The following DRD3 variants were observed in gnomAD, a reference collection of about 807,000 sequenced individuals.
DRD3 encodes D(3) dopamine receptor.
In DRD3, 19 loss-of-function variants were observed where a neutral mutation model predicts 36.3. The ratio of observed to expected loss-of-function variants is 0.52; its 90% confidence interval spans 0.36 to 0.77. The LOEUF (loss-of-function observed/expected upper bound fraction) is 0.77. DRD3 is among the 30% of genes least tolerant of loss of function. DRD3 has a pLI of 0.00. For synonymous variants in DRD3, 195 were observed against 203.7 expected (o/e 0.96, Z 0.36); for missense variants, 465 against 505.3 (o/e 0.92, Z 0.77).
At chr3:114,164,250 A>AAAAAAAAAAAAAAAAAAAAAAAAAAC (rs2077761825) in intron 2 of DRD3, among the ~76,000 whole-genome samples, 1 of 148,984 alleles carries the variant, frequency 6.7e-6, no homozygotes. Flanking sequence ...AAAAAAAAAA[A>AAAAAAAAAAAAAAAAAAAAAAAAAAC]AAGTGAAAAA....
At chr3:114,145,559 C>T (rs530146674) in intron 4 of DRD3, among the ~76,000 whole-genome samples, 48 of 152,232 alleles carry the variant, frequency 3.2e-4, no homozygotes, top group African/African-American at 9.9e-4. Context: ...CTTGAGTAGG[C>T]GGTACGTGCT....
chr3:114,133,235 C>T (rs2077446474), intron 5 of DRD3, among the ~76,000 whole-genome samples: 1 of 152,192 alleles, frequency 6.6e-6, no homozygotes, highest in African/African-American at 2.4e-5. Flanking sequence ...GTGATCTGCC[C>T]ACCTTGGCCT....
intron 2 of DRD3, among the ~76,000 whole-genome samples, chr3:114,163,409 A>C (rs551704880): frequency 9.9e-5 from 15 of 152,254 alleles, no homozygotes; most frequent in Admixed American, 8.5e-4. Flanking sequence ...GTGATTTTTA[A>C]CTTATAGGTA....
intron 1 of DRD3, among the ~76,000 whole-genome samples, chr3:114,195,253 T>C (rs184749806): frequency 2.0e-5 from 3 of 152,264 alleles, no homozygotes; most frequent in Admixed American, 2.0e-4. Context: ...TAAGTTATTT[T>C]TGTTTAGTTT....
intron 1 of DRD3, among the ~76,000 whole-genome samples, chr3:114,177,388 T>G (rs1040127513): frequency 1.3e-5 from 2 of 152,256 alleles, no homozygotes; most frequent in African/African-American, 4.8e-5. Context: ...GGTTACTGAG[T>G]AGCTAAGATA....
intron 1 of DRD3, among the ~76,000 whole-genome samples, chr3:114,186,941 A>G (rs1260207108): frequency 6.6e-6 from 1 of 152,206 alleles, no homozygotes; most frequent in Admixed American, 6.5e-5. Flanking sequence ...ATGGAAGATG[A>G]GAGAGATATG....
chr3:114,137,336 G>A (rs1205337246), intron 5 of DRD3, among the ~76,000 whole-genome samples: 4 of 152,256 alleles, frequency 2.6e-5, no homozygotes. Flanking sequence ...GGGTGTAGAA[G>A]AAGGAACAGT....
At chr3:114,197,735 C>T (rs1310092058) in intron 1 of DRD3, among the ~76,000 whole-genome samples, 4 of 152,164 alleles carry the variant, frequency 2.6e-5, no homozygotes, top group East Asian at 1.9e-4. Context: ...GCAACTTCAT[C>T]GAAAATGAGT....
chr3:114,152,768 C>A (rs978308922), intron 3 of DRD3, among the ~76,000 whole-genome samples: 1 of 152,264 alleles, frequency 6.6e-6, no homozygotes, highest in African/African-American at 2.4e-5. Flanking sequence ...CCAGGCCGAC[C>A]GCTTAGCCTC....
At chr3:114,166,089 G>A (rs57845318) in intron 2 of DRD3, among the ~76,000 whole-genome samples, 54 of 150,986 alleles carry the variant, frequency 3.6e-4, no homozygotes, top group African/African-American at 1.3e-3. Context: ...GGGTTCAAGC[G>A]ATTCTTCTGC....
At chr3:114,189,384 T>A (rs1158029445) in intron 1 of DRD3, among the ~76,000 whole-genome samples, 2 of 152,238 alleles carry the variant, frequency 1.3e-5, no homozygotes, top group Non-Finnish European at 2.9e-5. Flanking sequence ...TATATACTTG[T>A]TGCATTTGCT....
intron 3 of DRD3, among the ~76,000 whole-genome samples, chr3:114,156,836 C>CTTTCT (rs1261927257): frequency 0.03 from 135 of 4,432 alleles, 1 homozygote; most frequent in African/African-American, 0.051. Context: ...TCTTTCTTTC[C>CTTTCT]TTTCTTTCTT....
chr3:114,161,419 T>C (rs1438925863), intron 2 of DRD3, among the ~76,000 whole-genome samples: 1 of 152,194 alleles, frequency 6.6e-6, no homozygotes, highest in African/African-American at 2.4e-5. Context: ...CCCAATAAAA[T>C]AAGGTCCTAA....
chr3:114,132,898 T>C (rs79824981), intron 5 of DRD3, among the ~76,000 whole-genome samples: 1,997 of 152,288 alleles, frequency 0.013, 36 homozygotes, highest in African/African-American at 0.043. Flanking sequence ...TTGGGGAAAT[T>C]TGAACATCAA....
At chr3:114,147,314 G>C (rs1345960563) in intron 4 of DRD3, 101 bp downstream of exon 4, 1 of 1,460,078 alleles carries the variant, frequency 6.8e-7, no homozygotes, top group Non-Finnish European at 9.4e-7. Context: ...AAAGTACACT[G>C]ACCGGGGGTC....
intron 3 of DRD3, among the ~76,000 whole-genome samples, chr3:114,148,797 C>G (rs541503892): frequency 6.6e-6 from 1 of 152,182 alleles, no homozygotes. Flanking sequence ...ACTGCAACCT[C>G]TGTCTCCCAG....
upstream of DRD3, among the ~76,000 whole-genome samples, chr3:114,180,059 T>C (rs2107896779): frequency 6.6e-6 from 1 of 152,204 alleles, no homozygotes; most frequent in African/African-American, 2.4e-5. Flanking sequence ...TGACCCAAGA[T>C]TTGGATCTAA....
intron 3 of DRD3, among the ~76,000 whole-genome samples, chr3:114,156,979 TCTTTCTTC>T (rs2077686678): frequency 6.7e-6 from 1 of 149,634 alleles, no homozygotes; most frequent in African/African-American, 2.5e-5. Context: ...CTTCCTTCTT[TCTTTCTTC>T]CTTTCTTTCT....
In DRD3 at chr3:114,171,782, G is replaced by C. The variant is rs2077845243; in HGVS notation, c.211C>G (p.Leu71Val). The C allele has an allele frequency of 1.2e-6, 2 of 1,613,562 alleles. No individual in the cohort carries two copies. Among genetic ancestry groups the C allele is most frequent in the East Asian group, 4.5e-5 (2 of 44,838 alleles). ...QTTTNYLVVSLAVADLLVATL... is the reference protein window; with the variant it reads ...QTTTNYLVVSVAVADLLVATL... ...GCCACCAGCAAGTCTGCCACAGCCA[G>C]GCTCACTACTAAGTAGTTGGTGGTA... is the stretch of plus-strand genomic sequence containing the variant. The change falls in exon 2 of 7, where the codon CTG becomes GTG. Residue 71 changes from leucine (L) to valine (V), a missense_variant. By Grantham distance (32) the Leu-to-Val change is conservative (BLOSUM62 1). Coordinates refer to ENST00000383673, the MANE Select transcript of DRD3 (RefSeq NM_000796.6).
Sources: gnomAD v4.1 joint callset for allele counts (sites outside exome capture counted in the v4.1 genomes callset) on GRCh38, gnomAD v4.1.1 for gene constraint, MANE v1.5 for transcripts, NCBI Gene and HGNC (gene_info 2026-07-23, HGNC 2026-07-21) for gene names.